TMOD1: variants seen among roughly 807,000 people sequenced by gnomAD.
The protein encoded by TMOD1 is tropomodulin 1.
A neutral mutation model predicts 40.6 loss-of-function variants in TMOD1; 17 were observed. That is an observed-to-expected ratio of 0.42 (90% CI 0.29 to 0.63). The LOEUF is 0.63. Among genes scored for constraint, TMOD1 ranks in the 20% least tolerant of loss-of-function variants. The pLI is 0.22. For missense variants in TMOD1, 391 were observed against 447.6 expected (o/e 0.87, Z 1.14); for synonymous variants, 181 against 175.0 (o/e 1.03, Z -0.27).
At chr9:97,546,038 G>A (rs190421414) in intron 2 of TMOD1, 147 bp from the exon 3 acceptor site, 16 of 961,786 alleles carry the variant, frequency 1.7e-5, no homozygotes, top group Admixed American at 6.3e-5. Context: ...CTTGTAAAAC[G>A]AGGAACACCA....
intron 9 of TMOD1, among the ~76,000 whole-genome samples, chr9:97,593,254 G>C (rs1826037070): frequency 6.6e-6 from 1 of 152,114 alleles, no homozygotes; most frequent in Admixed American, 6.5e-5. Context: ...GGTGCTGCAG[G>C]GGGATACCAG....
Position 97,509,497 on chromosome 9 carries a change from G to C in TMOD1, c.-49+7694G>C, listed in dbSNP as rs145663665. The stretch of plus-strand genomic sequence containing the variant: ...GGTTTTGGGTTTTTCTTCGCTAATA[G>C]AGGTTTTTTTTTTTGTTTTTTGTTT... On this transcript the variant is annotated intron_variant, in intron 1 of 9. Coordinates refer to ENST00000259365, the MANE Select transcript of TMOD1 (RefSeq NM_003275.4). 4.1e-5 allele frequency among the ~76,000 whole-genome samples: 6 copies of C among 147,496 alleles called. 2 individuals are homozygous for C. Among genetic ancestry groups the C allele is most frequent in the African/African-American group, 1.5e-4 (6 of 40,250 alleles).
chr9:97,565,900 C>T lies in TMOD1; in HGVS notation c.671C>T (p.Ser224Leu). 6.2e-7 allele frequency: 1 copy of T among 1,614,216 alleles called. No homozygotes were observed. The highest frequency in any genetic ancestry group is 8.5e-7 in the Non-Finnish European group (1 of 1,180,038). The change falls in exon 7 of 10, where the codon TCA (serine) becomes TTA (leucine). Residue 224 changes from serine (S) to leucine (L), a missense_variant. Transcript: ENST00000259365. ...TATGCAGAAGCCCTGAAAGAAAACT[C>T]ATATGTGAAGAAGTTCAGCATCGTG... ...KAYAEALKENSYVKKFSIVGT... is the reference protein window; with the variant it reads ...KAYAEALKENLYVKKFSIVGT...
At chr9:97,508,930 T>TA in intron 1 of TMOD1, among the ~76,000 whole-genome samples, 1 of 152,156 alleles carries the variant, frequency 6.6e-6, no homozygotes. Context: ...TGAGATGGCT[T>TA]AAAATAAACC....
At chr9:97,579,603 A>C (rs1825698628) in intron 8 of TMOD1, among the ~76,000 whole-genome samples, 2 of 152,216 alleles carry the variant, frequency 1.3e-5, no homozygotes, top group Non-Finnish European at 2.9e-5. Context: ...GCTATCAAGC[A>C]CTAGAAATGT....
intron 1 of TMOD1, among the ~76,000 whole-genome samples, chr9:97,505,558 G>A (rs1225412972): frequency 6.6e-6 from 1 of 152,116 alleles, no homozygotes; most frequent in Admixed American, 6.5e-5. Flanking sequence ...GCTGCCCATC[G>A]CTTTGCTGTT....
intron 8 of TMOD1, among the ~76,000 whole-genome samples, chr9:97,580,863 A>G (rs1480871455): frequency 1.3e-5 from 2 of 151,588 alleles, no homozygotes; most frequent in East Asian, 3.9e-4. Flanking sequence ...TTCCATTTTA[A>G]TATTTTGTCA....
rs373081158 is a variant in TMOD1, at chr9:97,599,976, A to G, written c.*278A>G. 2 of 1,213,126 alleles carry G rather than the reference A, an allele frequency of 1.6e-6. No individual in the cohort carries two copies. The highest frequency in any genetic ancestry group is 3.1e-5 in the African/African-American group (2 of 65,146). The allele number at this position is 1,213,126 out of a possible 1,614,324, so 75.1% of individuals were successfully genotyped here. On this transcript the variant is annotated 3_prime_UTR_variant, in exon 10 of 10. Coordinates refer to ENST00000259365, the MANE Select transcript of TMOD1 (RefSeq NM_003275.4). ...CAGATCTTACTGAAGATGATGTTCC[A>G]GCAGCAGCGACTTAGCCCCAGGAGC...
chr9:97,521,213 C>A (rs1405167144), intron 1 of TMOD1, among the ~76,000 whole-genome samples: 2 of 152,146 alleles, frequency 1.3e-5, no homozygotes. Flanking sequence ...TTCTCAGAGA[C>A]GTGCTTTTAT....
In TMOD1 at chr9:97,502,782, C is replaced by T. The variant is rs1033672801; in HGVS notation, c.-49+979C>T. ...ACTTTTGGGGTGCCTATGGGCATCT[C>T]TCTGCTCCGTAGCCGGCAAAGCAGC... On this transcript the variant is annotated intron_variant, in intron 1 of 9. Transcript: ENST00000259365. This position sits in a 1 kb window ranked among gnomAD's most constrained non-coding sequence, Gnocchi z 6.1. Among the ~76,000 whole-genome samples, 23 of 152,216 alleles carry T rather than the reference C, an allele frequency of 1.5e-4. No individual in the cohort carries two copies. The highest frequency in any genetic ancestry group is 2.8e-4 in the Non-Finnish European group (19 of 68,034).
At chr9:97,551,899 C>T (rs1393450745) in intron 3 of TMOD1, among the ~76,000 whole-genome samples, 3 of 152,130 alleles carry the variant, frequency 2.0e-5, no homozygotes, top group Non-Finnish European at 4.4e-5. Flanking sequence ...AGTCTTTCAC[C>T]CCTTTGGTTG....
intron 2 of TMOD1, among the ~76,000 whole-genome samples, chr9:97,531,652 C>T (rs777146997): frequency 6.6e-6 from 1 of 152,016 alleles, no homozygotes; most frequent in African/African-American, 2.4e-5. Context: ...AATTGCAGGA[C>T]GAAATATGGA....
chr9:97,517,148 G>T (rs531155541), intron 1 of TMOD1, among the ~76,000 whole-genome samples: 1 of 151,942 alleles, frequency 6.6e-6, no homozygotes, highest in South Asian at 2.1e-4. Flanking sequence ...GGGGTTCAAG[G>T]CCAGCCTGGG....
chr9:97,545,388 TC>T (rs1218537247), intron 2 of TMOD1, among the ~76,000 whole-genome samples: 3 of 151,892 alleles, frequency 2.0e-5, no homozygotes, highest in Non-Finnish European at 4.4e-5. Flanking sequence ...ATAACTCCAA[TC>T]CCCCCAATAG....
chr9:97,527,044 G>A (rs1830025505), intron 2 of TMOD1, among the ~76,000 whole-genome samples: 1 of 152,096 alleles, frequency 6.6e-6, no homozygotes, highest in East Asian at 1.9e-4. Flanking sequence ...TGATGAGGCT[G>A]CTCAAGTTGA....
intron 8 of TMOD1, among the ~76,000 whole-genome samples, chr9:97,583,669 C>G: frequency 1.5e-5 from 2 of 134,296 alleles, no homozygotes; most frequent in African/African-American, 2.8e-5. Context: ...ATTATTGCCA[C>G]AATTTCAGCT....
chr9:97,553,604 C>T (rs1436544279), intron 4 of TMOD1, among the ~76,000 whole-genome samples: 3 of 152,136 alleles, frequency 2.0e-5, no homozygotes, highest in Non-Finnish European at 4.4e-5. Context: ...CCCACCACAC[C>T]AGGGAGCCAT....
chr9:97,550,615 A>G (rs1331195607), intron 3 of TMOD1, among the ~76,000 whole-genome samples: 4 of 152,126 alleles, frequency 2.6e-5, no homozygotes, highest in Non-Finnish European at 5.9e-5. Flanking sequence ...CATCTCCCTA[A>G]CAAGCCATGA....
At position 97,568,917 on chromosome 9, in the gene TMOD1, G is replaced by C. The variant is rs1224467403; in HGVS notation, c.750G>C (p.Glu250Asp). Reference protein sequence around the residue: ...VAYALAEMLKENKVLKTLNVE... With the variant: ...VAYALAEMLKDNKVLKTLNVE... ...AGGCCCTTGCTGAGATGCTCAAGGAGAACAAGGTGTTGAAGACACTGAATG... is the reference window on the plus strand; with the variant it reads ...AGGCCCTTGCTGAGATGCTCAAGGACAACAAGGTGTTGAAGACACTGAATG... The change falls in exon 8 of 10, where the codon GAG (glutamate) becomes GAC (aspartate). Residue 250 changes from glutamate to aspartate, a missense_variant. Coordinates refer to ENST00000259365, the MANE Select transcript of TMOD1 (RefSeq NM_003275.4). The C allele has an allele frequency of 6.2e-7, 1 of 1,614,156 alleles. No individual in the cohort carries two copies. Among genetic ancestry groups the C allele is most frequent in the South Asian group, 1.1e-5 (1 of 91,082 alleles).
Sources: gnomAD v4.1 joint callset for allele counts (sites outside exome capture counted in the v4.1 genomes callset) on GRCh38, gnomAD v4.1.1 for gene constraint, Gnocchi (gnomAD v3.1) non-coding constraint, MANE v1.5 for transcripts, NCBI Gene and HGNC (gene_info 2026-07-23, HGNC 2026-07-21) for gene names.